The following EYA1 variants were observed in gnomAD, a reference collection of about 807,000 sequenced individuals.
The protein encoded by EYA1 is protein phosphatase EYA1.
In EYA1, 16 loss-of-function variants were observed where a neutral mutation model predicts 82.0. The ratio of observed to expected loss-of-function variants is 0.20; its 90% confidence interval spans 0.13 to 0.30. The LOEUF (loss-of-function observed/expected upper bound fraction) is 0.30. Among genes scored for constraint, EYA1 ranks in the 10% least tolerant of loss-of-function variants. EYA1 has a pLI of 1.00. For missense variants in EYA1, 633 were observed against 730.7 expected, an observed-to-expected ratio of 0.87 and a Z score of 1.54; for synonymous variants, 261 against 264.4, an observed-to-expected ratio of 0.99 and a Z score of 0.12.
At chr8:71,236,236 G>A (rs1204498645) in intron 12 of EYA1, among the ~76,000 whole-genome samples, 3 of 151,966 alleles carry the variant, frequency 2.0e-5, no homozygotes, top group South Asian at 2.1e-4. Context: ...GGGTTTCACC[G>A]TGTTGGTCAG....
chr8:71,476,606 C>T (rs985792231), intron 2 of EYA1, among the ~76,000 whole-genome samples: 29 of 152,002 alleles, frequency 1.9e-4, no homozygotes, highest in African/African-American at 6.8e-4. Context: ...ATTCCATGCT[C>T]ATGAAATGGA....
intron 2 of EYA1, among the ~76,000 whole-genome samples, chr8:71,508,669 A>G (rs1812376063): frequency 6.6e-6 from 1 of 152,118 alleles, no homozygotes; most frequent in South Asian, 2.1e-4. Flanking sequence ...GTTTGAAGGC[A>G]CCATCCATGA....
chr8:71,417,409 C>T (rs1027513806), intron 2 of EYA1, among the ~76,000 whole-genome samples: 6 of 152,112 alleles, frequency 3.9e-5, no homozygotes, highest in Non-Finnish European at 8.8e-5. Flanking sequence ...TTCACAAGTT[C>T]TAGAAATTAG....
intron 9 of EYA1, among the ~76,000 whole-genome samples, chr8:71,274,473 T>G (rs987941986): frequency 1.3e-5 from 2 of 152,134 alleles, no homozygotes; most frequent in African/African-American, 2.4e-5. Flanking sequence ...TTGTTCAAGT[T>G]TACCCCCACT....
chr8:71,524,073 A>C (rs1418290611), intron 2 of EYA1, among the ~76,000 whole-genome samples: 2 of 152,230 alleles, frequency 1.3e-5, no homozygotes, highest in Non-Finnish European at 2.9e-5. Context: ...TATAAATGAA[A>C]TTTATAAGTT....
At chr8:71,442,740 T>C (rs964276861) in intron 2 of EYA1, among the ~76,000 whole-genome samples, 3 of 152,174 alleles carry the variant, frequency 2.0e-5, no homozygotes, top group Non-Finnish European at 4.4e-5. Flanking sequence ...ACCATAACGA[T>C]TTACAAACAA....
At chr8:71,297,295 T>G (rs1819699027) in intron 9 of EYA1, among the ~76,000 whole-genome samples, 1 of 152,082 alleles carries the variant, frequency 6.6e-6, no homozygotes, top group Non-Finnish European at 1.5e-5. Flanking sequence ...TAGCATCCCT[T>G]TTAGGAAAAA....
In EYA1 at chr8:71,347,906, AAC is replaced by A. The variant is rs1491006136; in HGVS notation, c.124+6874_124+6875del. Among the ~76,000 whole-genome samples the A allele has an allele frequency of 6.2e-4, 85 of 137,148 alleles. 1 individual carries two copies. Among genetic ancestry groups the A allele is most frequent in the African/African-American group, 2.4e-3 (70 of 29,436 alleles). 90.0% of individuals were successfully genotyped at this position (137,148 alleles called of 152,430 possible). A position where few individuals can be genotyped will look rare whatever the true frequency, so the allele number is the denominator to read the frequency against. ...CATGCAAAAAAAAAAAAAAAAAAAAAACCCCAAATCTGTAAAACTAGCAAATT... is the reference window on the plus strand; with the variant it reads ...CATGCAAAAAAAAAAAAAAAAAAAAACCCAAATCTGTAAAACTAGCAAATT... On this transcript the variant is annotated intron_variant, in intron 3 of 17. Transcript: ENST00000340726.
chr8:71,454,832 T>A (rs1807739178), intron 2 of EYA1, among the ~76,000 whole-genome samples: 1 of 152,114 alleles, frequency 6.6e-6, no homozygotes, highest in East Asian at 1.9e-4. Context: ...GATCTAAAAT[T>A]GACACTGTGA....
chr8:71,201,717 T>G (rs1807045978), intron 17 of EYA1, among the ~76,000 whole-genome samples: 1 of 152,176 alleles, frequency 6.6e-6, no homozygotes, highest in Non-Finnish European at 1.5e-5. Flanking sequence ...CCTACTCATT[T>G]TACTACTTAA....
chr8:71,380,155 C>T (rs1367992272), intron 2 of EYA1, among the ~76,000 whole-genome samples: 1 of 152,126 alleles, frequency 6.6e-6, no homozygotes, highest in Non-Finnish European at 1.5e-5. Flanking sequence ...TTTTTTCTGT[C>T]CCCTTTCCTC....
intron 17 of EYA1, among the ~76,000 whole-genome samples, chr8:71,206,035 T>C (rs1352498477): frequency 6.6e-6 from 1 of 152,198 alleles, no homozygotes; most frequent in African/African-American, 2.4e-5. Flanking sequence ...ATCAGAATTA[T>C]GTGTTTTAAA....
At chr8:71,439,196 A>G (rs761412145) in intron 2 of EYA1, among the ~76,000 whole-genome samples, 70 of 152,198 alleles carry the variant, frequency 4.6e-4, no homozygotes, top group Non-Finnish European at 7.2e-4. Context: ...AAGTGGCACC[A>G]AAGCTGGGAC....
At chr8:71,479,183 C>G (rs1232847489) in intron 2 of EYA1, among the ~76,000 whole-genome samples, 1 of 152,108 alleles carries the variant, frequency 6.6e-6, no homozygotes, top group Non-Finnish European at 1.5e-5. Flanking sequence ...ATTAGTCTAC[C>G]AATGCACTCA....
chr8:71,416,650 C>A (rs1368132380), intron 2 of EYA1, among the ~76,000 whole-genome samples: 1 of 152,146 alleles, frequency 6.6e-6, no homozygotes, highest in African/African-American at 2.4e-5. Flanking sequence ...CAAATATTAT[C>A]TATAATCTTG....
intron 12 of EYA1, among the ~76,000 whole-genome samples, chr8:71,219,934 G>T (rs933021673): frequency 6.6e-6 from 1 of 152,114 alleles, no homozygotes; most frequent in Non-Finnish European, 1.5e-5. Flanking sequence ...TTCTGGACTA[G>T]GTTGTTTTTA....
Position 71,299,706 on chromosome 8 carries a change from T to C in EYA1, c.571A>G (p.Thr191Ala), listed in dbSNP as rs1418597577. The C allele has an allele frequency of 2.6e-6, 4 of 1,554,954 alleles. No homozygotes were observed. Among genetic ancestry groups the C allele is most frequent in the Non-Finnish European group, 3.5e-6 (4 of 1,127,364 alleles). Reference sequence around the variant, plus strand: ...TTTCCTGTATATATTCCTGATGATGTTGTAAAACTGCTACCTAAAACAAAA... The same window carrying C: ...TTTCCTGTATATATTCCTGATGATGCTGTAAAACTGCTACCTAAAACAAAA... The part of the protein sequence containing the change: ...SYQMQGSSFT[T>A]SSGIYTGNNS... The change falls in exon 8 of 18, where the codon ACA (threonine) becomes GCA (alanine). Residue 191 changes from threonine (T) to alanine (A), a missense_variant. By Grantham distance (58) the Thr-to-Ala change is moderately conservative. Coordinates refer to ENST00000340726, the MANE Select transcript of EYA1 (RefSeq NM_000503.6).
intron 9 of EYA1, among the ~76,000 whole-genome samples, chr8:71,275,346 G>A (rs1188254802): frequency 1.3e-5 from 2 of 152,188 alleles, no homozygotes; most frequent in Non-Finnish European, 2.9e-5. Context: ...GGAGGAAGAA[G>A]GCATTACAGG....
At chr8:71,520,743 G>A (rs1813335432) in intron 2 of EYA1, among the ~76,000 whole-genome samples, 1 of 152,054 alleles carries the variant, frequency 6.6e-6, no homozygotes, top group African/African-American at 2.4e-5. Flanking sequence ...CTATCTAAGG[G>A]TTTAAAGCAG....
Sources: gnomAD v4.1 joint callset for allele counts (sites outside exome capture counted in the v4.1 genomes callset) on GRCh38, gnomAD v4.1.1 for gene constraint, MANE v1.5 for transcripts, NCBI Gene and HGNC (gene_info 2026-07-23, HGNC 2026-07-21) for gene names.